Variants in POTEJ observed in about 807,000 individuals in gnomAD.
The protein encoded by POTEJ is POTE ankyrin domain family, member J.
In POTEJ, 11 loss-of-function variants were observed where a neutral mutation model predicts 69.0. That is an observed-to-expected ratio of 0.16 (90% CI 0.10 to 0.26). POTEJ has a LOEUF of 0.26. Ranked by LOEUF, POTEJ falls within the 10% of genes least tolerant of loss-of-function variation. The probability of loss-of-function intolerance (pLI) is 1.00; values close to 1 mark genes in which losing one functional copy is unlikely to be tolerated. For synonymous variants in POTEJ, 117 were observed against 381.1 expected (o/e 0.31, Z 8.07); for missense variants, 327 against 1,045.5 (o/e 0.31, Z 9.48).
chr2:130,650,071 A>T (rs1686751342), intron 13 of POTEJ, among the ~76,000 whole-genome samples: 1 of 152,276 alleles, frequency 6.6e-6, no homozygotes, highest in East Asian at 1.9e-4. Context: ...AGGACACGTC[A>T]GGCTTCAGAT....
chr2:130,637,746 T>A (rs1489623047), intron 9 of POTEJ, among the ~76,000 whole-genome samples: 4 of 152,162 alleles, frequency 2.6e-5, no homozygotes, highest in East Asian at 3.9e-4. Context: ...AAAAAAAAAA[T>A]AAAAGTAGGG....
At chr2:130,649,953 T>G (rs1396015960) in intron 13 of POTEJ, among the ~76,000 whole-genome samples, 2 of 152,164 alleles carry the variant, frequency 1.3e-5, no homozygotes, top group African/African-American at 4.8e-5. Flanking sequence ...AACCACTTCC[T>G]GAGGGAGAAC....
At chr2:130,648,278 TA>T (rs1419453378) in intron 13 of POTEJ, among the ~76,000 whole-genome samples, 2 of 146,774 alleles carry the variant, frequency 1.4e-5, no homozygotes, top group Non-Finnish European at 3.0e-5. Context: ...TTAGAATATA[TA>T]ATTGTTACAT....
chr2:130,648,522 A>G (rs1381478886), intron 13 of POTEJ, among the ~76,000 whole-genome samples: 1 of 137,636 alleles, frequency 7.3e-6, no homozygotes, highest in Non-Finnish European at 1.5e-5. Context: ...TTTCCTCAAG[A>G]TTATCACTAA....
At chr2:130,645,255 G>A (rs1359670578) in intron 11 of POTEJ, among the ~76,000 whole-genome samples, 4 of 15,604 alleles carry the variant, frequency 2.6e-4, no homozygotes, top group East Asian at 1.5e-3. Flanking sequence ...ATAGTTTAAA[G>A]GGTGCCTACA....
At chr2:130,639,116 G>C (rs1289158442) in intron 10 of POTEJ, among the ~76,000 whole-genome samples, 3 of 152,104 alleles carry the variant, frequency 2.0e-5, no homozygotes, top group Non-Finnish European at 2.9e-5. Context: ...TGCAATATGA[G>C]CCATAAGGAG....
At chr2:130,637,044 A>C (rs912556130) in intron 9 of POTEJ, among the ~76,000 whole-genome samples, 3 of 145,834 alleles carry the variant, frequency 2.1e-5, no homozygotes, top group African/African-American at 5.0e-5. Context: ...GTTGCACTGC[A>C]CTCCAGCCTG....
intron 3 of POTEJ, among the ~76,000 whole-genome samples, chr2:130,618,774 C>CTT (rs1204750696): frequency 0.016 from 502 of 32,240 alleles, 16 homozygotes; most frequent in African/African-American, 0.051. Flanking sequence ...ATTAATCTGA[C>CTT]TTTTTTTTTT....
chr2:130,625,213 G>C (rs1473131796), intron 6 of POTEJ, among the ~76,000 whole-genome samples: 4 of 152,156 alleles, frequency 2.6e-5, no homozygotes, highest in Non-Finnish European at 5.9e-5. Flanking sequence ...TAATAGAGCT[G>C]TCTCCATTTC....
At chr2:130,638,413 T>C (rs1686190121) in intron 9 of POTEJ, among the ~76,000 whole-genome samples, 1 of 150,548 alleles carries the variant, frequency 6.6e-6, no homozygotes, top group African/African-American at 2.4e-5. Context: ...GCCCTCGATT[T>C]ATGAGTATTT....
Position 130,630,562 on chromosome 2 carries a change from G to A in POTEJ, c.1086+543G>A, listed in dbSNP as rs537078485. Among the ~76,000 whole-genome samples, 105 of 141,396 alleles carry A rather than the reference G, an allele frequency of 7.4e-4. 17 individuals are homozygous for A. Among genetic ancestry groups the A allele is most frequent in the African/African-American group, 2.9e-3 (103 of 35,026 alleles). 92.8% of individuals were successfully genotyped at this position (141,396 alleles called of 152,430 possible). ...TTATATTGTCAGTCACTGATACCAAGCTTAAAAATATATTCTGCCTTATGG... is the reference window on the plus strand; with the variant it reads ...TTATATTGTCAGTCACTGATACCAAACTTAAAAATATATTCTGCCTTATGG... On this transcript the variant is annotated intron_variant, in intron 7 of 14. Transcript: ENST00000409602.
chr2:130,626,874 T>C (rs1265368163), intron 6 of POTEJ, among the ~76,000 whole-genome samples: 2 of 152,196 alleles, frequency 1.3e-5, no homozygotes, highest in Admixed American at 6.5e-5. Flanking sequence ...GCTTAATTTT[T>C]TTTCATGTAA....
intron 10 of POTEJ, among the ~76,000 whole-genome samples, chr2:130,640,963 G>C (rs568665217): frequency 6.6e-6 from 1 of 151,980 alleles, no homozygotes; most frequent in South Asian, 2.1e-4. Flanking sequence ...GTATTAAGGC[G>C]TTCTGGTTAT....
At chr2:130,641,799 A>C (rs1424401988) in intron 10 of POTEJ, among the ~76,000 whole-genome samples, 3 of 152,216 alleles carry the variant, frequency 2.0e-5, no homozygotes, top group African/African-American at 7.2e-5. Flanking sequence ...ACATCCTACT[A>C]GTTTGACTCT....
At chr2:130,642,922 T>C (rs1270306718) in intron 10 of POTEJ, among the ~76,000 whole-genome samples, 3 of 150,750 alleles carry the variant, frequency 2.0e-5, no homozygotes, top group Admixed American at 6.6e-5. Context: ...CTTGGGCATG[T>C]GTTCTAGAAA....
At chr2:130,648,811 A>G (rs1189527267) in intron 13 of POTEJ, among the ~76,000 whole-genome samples, 62 of 24,784 alleles carry the variant, frequency 2.5e-3, no homozygotes, top group African/African-American at 0.02. Context: ...TTTTTTTTTT[A>G]AGACAGAGTC....
At chr2:130,636,937 G>A (rs1445660396) in intron 9 of POTEJ, among the ~76,000 whole-genome samples, 1 of 146,782 alleles carries the variant, frequency 6.8e-6, no homozygotes, top group East Asian at 1.9e-4. Context: ...AAATTAACCG[G>A]GTGTGGTGGC....
intron 9 of POTEJ, among the ~76,000 whole-genome samples, chr2:130,636,810 A>T (rs1226087545): frequency 6.8e-6 from 1 of 147,960 alleles, no homozygotes; most frequent in Non-Finnish European, 1.5e-5. Flanking sequence ...TGTTTGACGT[A>T]GGTCGGGCAT....
intron 3 of POTEJ, 39 bp from the exon 4 acceptor site, chr2:130,620,006 T>C (rs1382825966): frequency 6.3e-7 from 1 of 1,581,520 alleles, no homozygotes; most frequent in African/African-American, 1.4e-5. Flanking sequence ...TATGTACTTT[T>C]TTGAATTACA....
Sources: allele counts gnomAD v4.1 joint callset (sites outside exome capture counted in the v4.1 genomes callset), GRCh38; gene constraint gnomAD v4.1.1; transcripts MANE v1.5; gene names NCBI Gene and HGNC (gene_info 2026-07-23, HGNC 2026-07-21).